STXBP4: variants seen among roughly 807,000 people sequenced by gnomAD.
STXBP4 encodes the protein syntaxin-binding protein 4.
Under a neutral mutation model 76.1 loss-of-function variants are expected in STXBP4, and 55 were observed. The ratio of observed to expected loss-of-function variants is 0.72; its 90% CI spans 0.58 to 0.91. The LOEUF (loss-of-function observed/expected upper bound fraction) is 0.91, where lower values mean the gene tolerates loss of function less well. Ranked by LOEUF, STXBP4 falls within the 40% of genes least tolerant of loss-of-function variation. The pLI is 0.00. For missense variants in STXBP4, 618 were observed against 636.9 expected (o/e 0.97, Z 0.32); for synonymous variants, 201 against 220.2 (o/e 0.91, Z 0.77).
chr17:55,015,883 C>G (rs73323233), intron 8 of STXBP4, among the ~76,000 whole-genome samples: 5,554 of 152,122 alleles, frequency 0.037, 212 homozygotes, highest in African/African-American at 0.13. Flanking sequence ...ACTCAATTTG[C>G]CTTCTTTTCT....
chr17:55,209,984 A>G, the STXBP4 span, among the ~76,000 whole-genome samples: 1 of 152,228 alleles, frequency 6.6e-6, no homozygotes, highest in Non-Finnish European at 1.5e-5. Context: ...GGATGCGTCT[A>G]TGTGAGCATG....
intron 16 of STXBP4, among the ~76,000 whole-genome samples, chr17:55,134,267 C>CA: frequency 6.6e-6 from 1 of 151,264 alleles, no homozygotes; most frequent in South Asian, 2.1e-4. Flanking sequence ...TCATCAGCTA[C>CA]AAGAGGATAG....
chr17:54,984,928 T>G (rs1454192630), intron 1 of STXBP4, among the ~76,000 whole-genome samples: 1 of 152,112 alleles, frequency 6.6e-6, no homozygotes, highest in Middle Eastern at 3.2e-3. Flanking sequence ...TTGTTCAAAA[T>G]TTTCATCCAA....
chr17:55,151,391 T>C (rs530266309), intron 17 of STXBP4, among the ~76,000 whole-genome samples: 1 of 152,346 alleles, frequency 6.6e-6, no homozygotes, highest in Non-Finnish European at 1.5e-5. Flanking sequence ...TATCAAAGAA[T>C]GTTGTAAAGT....
At chr17:55,110,793 A>G (rs1281460394) in intron 16 of STXBP4, among the ~76,000 whole-genome samples, 1 of 152,224 alleles carries the variant, frequency 6.6e-6, no homozygotes, top group Non-Finnish European at 1.5e-5. Context: ...AGTTTTTTCA[A>G]GTCCTAGCCT....
At chr17:55,000,930 C>T in intron 7 of STXBP4, 47 bp downstream of exon 7, 3 of 1,286,034 alleles carry the variant, frequency 2.3e-6, no homozygotes, top group Non-Finnish European at 3.4e-6. Context: ...TTTCAATTCT[C>T]TCTCAATGAG....
intron 17 of STXBP4, among the ~76,000 whole-genome samples, chr17:55,159,292 G>A (rs1456860844): frequency 6.6e-6 from 1 of 151,984 alleles, no homozygotes; most frequent in East Asian, 1.9e-4. Flanking sequence ...TAAAAAGCAG[G>A]TATTGTTGAG....
intron 16 of STXBP4, among the ~76,000 whole-genome samples, chr17:55,134,585 A>G (rs905157891): frequency 6.6e-6 from 1 of 152,138 alleles, no homozygotes; most frequent in Non-Finnish European, 1.5e-5. Flanking sequence ...TGGGCTGAGG[A>G]GAGTCAGATG....
rs768021377 is a variant in STXBP4, at chr17:55,007,484, T to G, written c.575-22T>G. 4.5e-6 allele frequency: 7 copies of G among 1,569,686 alleles called. No homozygotes were observed. The Admixed American group carries it at 1.2e-4, about 27-fold the overall frequency. ...CGATTCCAATTAAGTTCCCAATTAA[T>G]GTGCACCCTGTTGTCTCTTAGATGT... On this transcript the variant is annotated intron_variant, in intron 7 of 17. Coordinates refer to ENST00000376352, the MANE Select transcript of STXBP4 (RefSeq NM_178509.6).
At chr17:55,069,472 T>C (rs1366186520) in intron 12 of STXBP4, among the ~76,000 whole-genome samples, 1 of 152,174 alleles carries the variant, frequency 6.6e-6, no homozygotes, top group Non-Finnish European at 1.5e-5. Flanking sequence ...GAAGACAGCC[T>C]GGGAGGAAAA....
chr17:55,012,021 G>A lies in STXBP4; in HGVS notation c.666+4424G>A, dbSNP rs1008249841. ...CTAGCAGGCCGGTCCAGGGGTCCGC[G>A]GTAGATCTTAGTCATGGACTGCATC... is the stretch of plus-strand genomic sequence containing the variant. On this transcript the variant is annotated intron_variant, in intron 8 of 17. Coordinates refer to ENST00000376352, the MANE Select transcript of STXBP4 (RefSeq NM_178509.6). Among the ~76,000 whole-genome samples the A allele has an allele frequency of 3.9e-5, 6 of 152,086 alleles. No homozygotes were observed. The East Asian group carries it at 5.8e-4, about 15-fold the overall frequency.
chr17:55,187,825 A>G, the STXBP4 span, among the ~76,000 whole-genome samples: 3,444 of 152,328 alleles, frequency 0.023, 133 homozygotes, highest in African/African-American at 0.078. Context: ...TAAACCTTTC[A>G]TAACCATCTT....
chr17:55,061,196 C>T (rs1485184341), intron 12 of STXBP4, among the ~76,000 whole-genome samples: 1 of 152,138 alleles, frequency 6.6e-6, no homozygotes, highest in South Asian at 2.1e-4. Flanking sequence ...TCTTAGTTTT[C>T]AGATGAAGCA....
chr17:55,078,698 G>GT lies in STXBP4; in HGVS notation c.1319dup (p.Phe441IlefsTer3). 1 of 1,568,008 alleles carries GT rather than the reference G, an allele frequency of 6.4e-7. No homozygotes were observed. The highest frequency in any genetic ancestry group is 8.8e-7 in the Non-Finnish European group (1 of 1,140,124). On this transcript the variant is annotated frameshift_variant, in exon 15 of 18. Transcript: ENST00000376352. LOFTEE classifies it high-confidence loss of function. Reference sequence around the variant, plus strand: ...TGTTTGTTGCTAGGCTATTCAAGAAGTATTTTCTGATAATTCTACTCCTTT... The same window carrying GT: ...TGTTTGTTGCTAGGCTATTCAAGAAGTTATTTTCTGATAATTCTACTCCTTT...
intron 16 of STXBP4, among the ~76,000 whole-genome samples, chr17:55,098,143 T>C (rs1356699265): frequency 6.6e-6 from 1 of 152,234 alleles, no homozygotes; most frequent in Non-Finnish European, 1.5e-5. Context: ...ATGAACAATT[T>C]CTACTAATGT....
chr17:55,038,945 T>G (rs1210325415), intron 10 of STXBP4, among the ~76,000 whole-genome samples: 1 of 152,146 alleles, frequency 6.6e-6, no homozygotes, highest in Non-Finnish European at 1.5e-5. Context: ...GAGTAATGTT[T>G]CACTTATACA....
chr17:54,978,514 G>A (rs2077502435), intron 1 of STXBP4, among the ~76,000 whole-genome samples: 1 of 152,128 alleles, frequency 6.6e-6, no homozygotes, highest in Non-Finnish European at 1.5e-5. Flanking sequence ...TGAAACACCA[G>A]ATCTATGTTA....
Position 54,986,199 on chromosome 17 carries a change from C to T in STXBP4, c.-21C>T. On this transcript the variant is annotated 5_prime_UTR_variant, in exon 3 of 18. Transcript: ENST00000376352. ...TCTTCATTTATACAGCTGTTAAATCCAAGGCTACTTTGGTGAAAGCATGAA... is the reference window on the plus strand; with the variant it reads ...TCTTCATTTATACAGCTGTTAAATCTAAGGCTACTTTGGTGAAAGCATGAA... 6.3e-7 allele frequency: 1 copy of T among 1,592,146 alleles called. No individual in the cohort carries two copies. The highest frequency in any genetic ancestry group is 1.4e-5 in the African/African-American group (1 of 73,906).
intron 12 of STXBP4, among the ~76,000 whole-genome samples, chr17:55,050,536 T>C (rs940496416): frequency 6.6e-6 from 1 of 152,104 alleles, no homozygotes; most frequent in African/African-American, 2.4e-5. Flanking sequence ...AACCTAAACA[T>C]TTAATAATAA....
Sources: gnomAD v4.1 joint callset for allele counts (sites outside exome capture counted in the v4.1 genomes callset) on GRCh38, gnomAD v4.1.1 for gene constraint, MANE v1.5 for transcripts, NCBI Gene and HGNC (gene_info 2026-07-23, HGNC 2026-07-21) for gene names.